The following SYT1 variants were observed in gnomAD, a reference collection of about 807,000 sequenced individuals.
The protein encoded by SYT1 is synaptotagmin-1.
Under a neutral mutation model 44.8 loss-of-function variants are expected in SYT1, and 8 were observed. That is an observed-to-expected ratio of 0.18 (90% CI 0.10 to 0.32). The LOEUF is 0.32. SYT1 is among the 10% of genes least tolerant of loss of function. The pLI is 1.00. For synonymous variants in SYT1, 154 were observed against 188.8 expected (o/e 0.82, Z 1.51); for missense variants, 286 against 509.3 (o/e 0.56, Z 4.22).
At chr12:78,865,355 C>A (rs1252685141) in intron 1 of SYT1, among the ~76,000 whole-genome samples, 4 of 152,076 alleles carry the variant, frequency 2.6e-5, no homozygotes, top group Admixed American at 2.0e-4. Context: ...CTTCTTGCTT[C>A]CTCTTTCCTT....
chr12:78,886,597 G>C (rs1874765104), intron 1 of SYT1, among the ~76,000 whole-genome samples: 1 of 151,886 alleles, frequency 6.6e-6, no homozygotes, highest in African/African-American at 2.4e-5. Context: ...ATTTTAATCA[G>C]TACATACTCC....
chr12:79,332,599 C>A (rs1788171236), intron 8 of SYT1, among the ~76,000 whole-genome samples: 1 of 152,074 alleles, frequency 6.6e-6, no homozygotes, highest in South Asian at 2.1e-4. Flanking sequence ...GTCAGTAACT[C>A]CGAAAAAGAA....
chr12:78,867,109 A>T (rs1253272296), intron 1 of SYT1, among the ~76,000 whole-genome samples: 1 of 151,984 alleles, frequency 6.6e-6, no homozygotes, highest in Non-Finnish European at 1.5e-5. Flanking sequence ...TGGTTTTTAG[A>T]GGTGCCACCT....
chr12:79,096,636 T>C (rs1022688563), intron 3 of SYT1, among the ~76,000 whole-genome samples: 2 of 151,940 alleles, frequency 1.3e-5, no homozygotes, highest in African/African-American at 4.8e-5. Context: ...ATAAGCAGTA[T>C]GTTAAAAGGA....
At chr12:78,972,840 G>A (rs1276710641) in intron 1 of SYT1, among the ~76,000 whole-genome samples, 1 of 151,762 alleles carries the variant, frequency 6.6e-6, no homozygotes, top group African/African-American at 2.4e-5. Context: ...TCAAATAAAG[G>A]GTGCCAGACA....
At chr12:78,896,171 A>G (rs892841073) in intron 1 of SYT1, among the ~76,000 whole-genome samples, 3 of 151,744 alleles carry the variant, frequency 2.0e-5, no homozygotes, top group African/African-American at 7.2e-5. Flanking sequence ...CATTTAATGT[A>G]AAGTTTGAAC....
At chr12:79,391,282 T>G (rs1012487978) in intron 9 of SYT1, among the ~76,000 whole-genome samples, 1 of 152,176 alleles carries the variant, frequency 6.6e-6, no homozygotes, top group Non-Finnish European at 1.5e-5. Flanking sequence ...ATATTAAAAA[T>G]ACCTGGTGGT....
chr12:79,026,699 A>ATATATATATATATC (rs1164483809), intron 2 of SYT1, among the ~76,000 whole-genome samples: 1 of 130,664 alleles, frequency 7.7e-6, no homozygotes, highest in African/African-American at 2.8e-5. Context: ...ATATATATAT[A>ATATATATATATATC]TATCACACTT....
At chr12:79,167,745 A>G (rs1871298380) in intron 3 of SYT1, among the ~76,000 whole-genome samples, 1 of 152,056 alleles carries the variant, frequency 6.6e-6, no homozygotes, top group Admixed American at 6.6e-5. Context: ...TTATGCTTAT[A>G]GTGTAATACA....
intron 1 of SYT1, among the ~76,000 whole-genome samples, chr12:78,905,274 G>A (rs916603696): frequency 3.3e-5 from 5 of 152,060 alleles, no homozygotes; most frequent in African/African-American, 7.2e-5. Flanking sequence ...GAAATCCCGC[G>A]GGGGGCGGGA....
chr12:79,190,409 C>T (rs1779368873), intron 3 of SYT1, among the ~76,000 whole-genome samples: 1 of 151,918 alleles, frequency 6.6e-6, no homozygotes, highest in African/African-American at 2.4e-5. Flanking sequence ...ATAAGAGCAC[C>T]ATAAAATAAT....
intron 4 of SYT1, among the ~76,000 whole-genome samples, chr12:79,218,057 A>G (rs1377325317): frequency 1.3e-5 from 2 of 152,174 alleles, no homozygotes; most frequent in Non-Finnish European, 1.5e-5. Flanking sequence ...TCTGAACAAT[A>G]GCTAAGGTTT....
intron 1 of SYT1, among the ~76,000 whole-genome samples, chr12:78,972,280 T>C (rs1415869452): frequency 6.6e-6 from 1 of 152,106 alleles, no homozygotes; most frequent in Admixed American, 6.5e-5. Context: ...AATTAGCTGA[T>C]ATATCATCTG....
At chr12:79,205,400 A>G (rs1033073478) in intron 3 of SYT1, among the ~76,000 whole-genome samples, 1 of 152,212 alleles carries the variant, frequency 6.6e-6, no homozygotes, top group African/African-American at 2.4e-5. Flanking sequence ...AGCCAGAAAA[A>G]TTCTACATTA....
At chr12:79,053,073 C>A (rs1393105642) in intron 3 of SYT1, among the ~76,000 whole-genome samples, 1 of 152,080 alleles carries the variant, frequency 6.6e-6, no homozygotes, top group Non-Finnish European at 1.5e-5. Context: ...TTTATTGCGG[C>A]ACTATTCACA....
chr12:78,876,849 T>TGA lies in SYT1; in HGVS notation c.-217+11740_-217+11741insGA, dbSNP rs1565697753. 1.3e-4 allele frequency among the ~76,000 whole-genome samples: 11 copies of TGA among 83,256 alleles called. 1 individual carries two copies. Among genetic ancestry groups the TGA allele is most frequent in the African/African-American group, 5.6e-4 (11 of 19,782 alleles). The allele number at this position is 83,256 out of a possible 152,430, so 54.6% of individuals were successfully genotyped here. A position where few individuals can be genotyped will look rare whatever the true frequency, so the allele number is the denominator to read the frequency against. On this transcript the variant is annotated intron_variant, in intron 1 of 10. Coordinates refer to ENST00000261205, the MANE Select transcript of SYT1 (RefSeq NM_005639.3). ...TTATATGTATTATATATAATATATA[T>TGA]TATATATAATATATATAATATATTA...
intron 9 of SYT1, among the ~76,000 whole-genome samples, chr12:79,367,041 C>T (rs539522144): frequency 6.6e-6 from 1 of 152,058 alleles, no homozygotes; most frequent in Admixed American, 6.6e-5. Flanking sequence ...CTCCTCCCAT[C>T]TCCTGTAACT....
intron 9 of SYT1, among the ~76,000 whole-genome samples, chr12:79,394,398 T>A (rs1323327773): frequency 2.0e-5 from 3 of 152,174 alleles, no homozygotes; most frequent in African/African-American, 7.2e-5. Context: ...GCAGAAGCGC[T>A]ATAGTATTTT....
chr12:79,198,973 A>G (rs1873623145), intron 3 of SYT1, among the ~76,000 whole-genome samples: 1 of 152,158 alleles, frequency 6.6e-6, no homozygotes, highest in African/African-American at 2.4e-5. Flanking sequence ...GAATTTTTGG[A>G]ATGACAAACC....
Sources: gnomAD v4.1 joint callset for allele counts (sites outside exome capture counted in the v4.1 genomes callset) on GRCh38, gnomAD v4.1.1 for gene constraint, MANE v1.5 for transcripts, NCBI Gene and HGNC (gene_info 2026-07-23, HGNC 2026-07-21) for gene names.